The following INPP5D variants were observed in gnomAD, a reference collection of about 807,000 sequenced individuals.
INPP5D encodes phosphatidylinositol 3,4,5-trisphosphate 5-phosphatase 1.
INPP5D carries 33 observed loss-of-function variants against 122.9 expected under a neutral mutation model. That is an observed-to-expected ratio of 0.27 (90% CI 0.20 to 0.36). INPP5D has a LOEUF of 0.36. Ranked by LOEUF, INPP5D falls within the 10% of genes least tolerant of loss-of-function variation. INPP5D has a pLI of 1.00. For synonymous variants in INPP5D, 584 were observed against 576.2 expected (o/e 1.01, Z -0.19); for missense variants, 1,053 against 1,412.7 (o/e 0.75, Z 4.08).
At chr2:233,070,054 T>G (rs760884251) in intron 1 of INPP5D, among the ~76,000 whole-genome samples, 5 of 152,260 alleles carry the variant, frequency 3.3e-5, no homozygotes, top group Non-Finnish European at 7.3e-5. Flanking sequence ...TCATTTTGAT[T>G]TGCATTTGAT....
At chr2:233,163,333 G>A (rs903037857) in intron 11 of INPP5D, among the ~76,000 whole-genome samples, 5 of 152,150 alleles carry the variant, frequency 3.3e-5, no homozygotes, top group South Asian at 2.1e-4. Context: ...GTTAGAACCC[G>A]CCATCTAAAA....
At chr2:233,117,716 G>A (rs995642933) in intron 2 of INPP5D, among the ~76,000 whole-genome samples, 6 of 152,134 alleles carry the variant, frequency 3.9e-5, no homozygotes, top group African/African-American at 9.7e-5. Context: ...GCCTCCTGCC[G>A]GGACTCTGGA....
In INPP5D at chr2:233,198,724, G is replaced by A. The variant is rs560925515; in HGVS notation, c.2975+348G>A. 2.6e-5 allele frequency among the ~76,000 whole-genome samples: 4 copies of A among 151,858 alleles called. No individual in the cohort carries two copies. In the South Asian group the frequency reaches 8.3e-4, roughly 32 times the overall value. ...CCAGCACTTTGGGAGGCCAAAGCGGGTGGATCACCTGAGATCGGGAGTTCG... is the reference window on the plus strand; with the variant it reads ...CCAGCACTTTGGGAGGCCAAAGCGGATGGATCACCTGAGATCGGGAGTTCG... On this transcript the variant is annotated intron_variant, in intron 25 of 26. Transcript: ENST00000445964.
At chr2:233,110,033 T>G (rs1311822194) in intron 2 of INPP5D, among the ~76,000 whole-genome samples, 1 of 150,846 alleles carries the variant, frequency 6.6e-6, no homozygotes, top group Non-Finnish European at 1.5e-5. Context: ...TATAGGCATG[T>G]GCCACCATGC....
chr2:233,142,748 G>T (rs1693657992), intron 6 of INPP5D, among the ~76,000 whole-genome samples: 1 of 152,094 alleles, frequency 6.6e-6, no homozygotes. Context: ...AAAGCAAAGT[G>T]AAAAAACTGG....
intron 2 of INPP5D, among the ~76,000 whole-genome samples, chr2:233,094,172 T>A (rs1361187594): frequency 6.6e-6 from 1 of 152,006 alleles, no homozygotes; most frequent in Non-Finnish European, 1.5e-5. Flanking sequence ...TTTGGATATA[T>A]TGGGTTAAAT....
chr2:233,063,100 G>T (rs1366163974), intron 1 of INPP5D, among the ~76,000 whole-genome samples: 1 of 152,218 alleles, frequency 6.6e-6, no homozygotes, highest in Non-Finnish European at 1.5e-5. Flanking sequence ...GACGGAGACG[G>T]CAGAGGCAGA....
chr2:233,148,679 T>G (rs1252148135), intron 9 of INPP5D, among the ~76,000 whole-genome samples: 1 of 152,134 alleles, frequency 6.6e-6, no homozygotes, highest in Non-Finnish European at 1.5e-5. Context: ...TCGTTCTGGC[T>G]GATGGCGAAT....
At chr2:233,184,985 C>T (rs1225046036) in intron 20 of INPP5D, among the ~76,000 whole-genome samples, 2 of 151,950 alleles carry the variant, frequency 1.3e-5, no homozygotes, top group Non-Finnish European at 2.9e-5. Flanking sequence ...CTGCAGCGTC[C>T]GAAAGCAAGC....
chr2:233,068,529 AG>A (rs1691289497), intron 1 of INPP5D, among the ~76,000 whole-genome samples: 2 of 152,026 alleles, frequency 1.3e-5, no homozygotes, highest in African/African-American at 4.8e-5. Flanking sequence ...CAGGAGGTGG[AG>A]GTTGCAGTGA....
rs922455926 is a variant in INPP5D at position 233,078,033 on chromosome 2, G to A, written c.135-1302G>A. The stretch of plus-strand genomic sequence containing the variant: ...GCTCTACGGGCCAGGTGAGCCTTCC[G>A]GGCTCAGGAGAATCTTAAGTAGCAA... On this transcript the variant is annotated intron_variant, in intron 1 of 26. Transcript: ENST00000445964. This position sits in a 1 kb window ranked among gnomAD's most constrained non-coding sequence, Gnocchi z 4.6. Among the ~76,000 whole-genome samples, 5 of 152,120 alleles carry A rather than the reference G, an allele frequency of 3.3e-5. No homozygotes were observed. The highest frequency in any genetic ancestry group is 1.5e-5 in the Non-Finnish European group (1 of 68,026).
chr2:233,137,453 C>CA (rs1553580552), intron 5 of INPP5D, among the ~76,000 whole-genome samples: 6 of 136,714 alleles, frequency 4.4e-5, no homozygotes, highest in South Asian at 2.3e-4. Flanking sequence ...TTCCATTAAA[C>CA]TTTTTTTTTT....
chr2:233,158,603 A>G (rs910617856), intron 10 of INPP5D, among the ~76,000 whole-genome samples, 184 bp downstream of exon 10: 4 of 152,114 alleles, frequency 2.6e-5, no homozygotes, highest in African/African-American at 9.7e-5. Flanking sequence ...CCTGGATTTG[A>G]GCCATCACTG....
chr2:233,062,618 A>G (rs1691106162), intron 1 of INPP5D, among the ~76,000 whole-genome samples: 1 of 152,156 alleles, frequency 6.6e-6, no homozygotes. Flanking sequence ...GTGCCTACAG[A>G]TGTCCACTAT....
Position 233,204,404 on chromosome 2 carries a change from C to G in INPP5D, c.3254C>G (p.Ser1085Cys), listed in dbSNP as rs1404690394. The change falls in exon 26 of 27, where the codon TCC (serine) becomes TGC (cysteine). Residue 1085 changes from serine to cysteine, a missense_variant. By Grantham distance (112) the Ser-to-Cys change is moderately radical. This residue lies in a region of INPP5D where 417 missense variants were observed against 425.8 expected (regional missense o/e 0.98). Transcript: ENST00000445964. The stretch of plus-strand genomic sequence containing the variant: ...CAGGTGCCCGCGCCCCGGCTGCGCT[C>G]CTTCACGTGCTCATCCTCTGCCGAG... ...GKQVPAPRLR[S>C]FTCSSSAEGR... 1.2e-6 allele frequency: 2 copies of G among 1,610,370 alleles called. No homozygotes were observed.
chr2:233,091,803 C>T (rs774401263), intron 2 of INPP5D, among the ~76,000 whole-genome samples: 2 of 152,166 alleles, frequency 1.3e-5, no homozygotes, highest in South Asian at 2.1e-4. Flanking sequence ...TATCTTGATT[C>T]TGTATTGACT....
chr2:233,116,374 C>G (rs1045960182), intron 2 of INPP5D, among the ~76,000 whole-genome samples: 1 of 151,752 alleles, frequency 6.6e-6, no homozygotes, highest in African/African-American at 2.4e-5. Flanking sequence ...ACTGCAACCT[C>G]CACCTCCTGG....
At chr2:233,152,018 A>G (rs1275866429) in intron 9 of INPP5D, among the ~76,000 whole-genome samples, 2 of 152,224 alleles carry the variant, frequency 1.3e-5, no homozygotes, top group African/African-American at 4.8e-5. Flanking sequence ...GCTGAGAGGC[A>G]GTGTGGTTCA....
Position 233,169,442 on chromosome 2 carries a change from G to A in INPP5D, c.1652+41G>A, listed in dbSNP as rs572587252. 9.9e-4 allele frequency: 1,548 copies of A among 1,559,052 alleles called. 32 individuals carry two copies. The South Asian group carries it at 0.017, about 17-fold the overall frequency. ...CCCCCCAAGAGTGTGCATTTGGGCTGTCTGCCCAGACACGCCTCACACCTT... is the reference window on the plus strand; with the variant it reads ...CCCCCCAAGAGTGTGCATTTGGGCTATCTGCCCAGACACGCCTCACACCTT... On this transcript the variant is annotated intron_variant, in intron 14 of 26. Coordinates refer to ENST00000445964, the MANE Select transcript of INPP5D (RefSeq NM_001017915.3).
Sources: gnomAD v4.1 joint callset for allele counts (sites outside exome capture counted in the v4.1 genomes callset) on GRCh38, gnomAD v4.1.1 for gene constraint, gnomAD v4.1.1 regional missense constraint, Gnocchi (gnomAD v3.1) non-coding constraint, MANE v1.5 for transcripts, NCBI Gene and HGNC (gene_info 2026-07-23, HGNC 2026-07-21) for gene names.